The following GABRA3 variants were observed in gnomAD, a reference collection of about 807,000 sequenced individuals.
GABRA3 encodes the protein gamma-aminobutyric acid receptor subunit alpha-3.
A neutral mutation model predicts 30.1 loss-of-function variants in GABRA3; 10 were observed. The ratio of observed to expected loss-of-function variants is 0.33; its 90% CI spans 0.20 to 0.56. The LOEUF (loss-of-function observed/expected upper bound fraction) is 0.56. Among genes scored for constraint, GABRA3 ranks in the 20% least tolerant of loss-of-function variants. The pLI is 0.89. For synonymous variants in GABRA3, 151 were observed against 146.8 expected (o/e 1.03, Z -0.21); for missense variants, 233 against 392.0 (o/e 0.59, Z 3.42).
chrX:152,266,793 C>A lies in GABRA3; in HGVS notation c.331-10795G>T, dbSNP rs779842879. 3.6e-4 allele frequency among the ~76,000 whole-genome samples: 40 copies of A among 111,417 alleles called. No individual in the cohort carries two copies. In the South Asian group the frequency reaches 4.5e-3, roughly 13 times the overall value. ...TTTTATTTGTTTACACTGCACTAGC[C>A]AGCTTCCACTAGCCTGGAAGCTCCA... On this transcript the variant is annotated intron_variant, in intron 4 of 9. Transcript: ENST00000370314.
intron 1 of GABRA3, among the ~76,000 whole-genome samples, chrX:152,370,942 C>T (rs1928820839): frequency 9.0e-6 from 1 of 110,803 alleles, no homozygotes; most frequent in South Asian, 3.8e-4. Context: ...CATTTCCTTT[C>T]TTACCCTGCT....
chrX:152,346,477 A>G (rs146901463), intron 2 of GABRA3, among the ~76,000 whole-genome samples: 2 of 111,963 alleles, frequency 1.8e-5, no homozygotes, highest in East Asian at 5.7e-4. Context: ...AACCAAAGCA[A>G]AAATGGACAA....
chrX:152,369,948 G>A (rs1266064465), intron 1 of GABRA3, among the ~76,000 whole-genome samples: 1 of 111,687 alleles, frequency 9.0e-6, no homozygotes, highest in Admixed American at 9.5e-5. Context: ...GGTGTAGGAT[G>A]GGCTTTGGAA....
intron 3 of GABRA3, among the ~76,000 whole-genome samples, chrX:152,323,392 C>T (rs1180913791): frequency 9.0e-6 from 1 of 111,575 alleles, no homozygotes; most frequent in East Asian, 2.8e-4. Flanking sequence ...ATGTTCTATT[C>T]CTTGAACGGG....
At chrX:152,364,054 A>T (rs1928582816) in intron 2 of GABRA3, among the ~76,000 whole-genome samples, 1 of 111,347 alleles carries the variant, frequency 9.0e-6, no homozygotes, top group Non-Finnish European at 1.9e-5. Flanking sequence ...CAGTATCTGG[A>T]GGGAAGATTT....
chrX:152,192,890 A>G (rs2124349830), intron 8 of GABRA3, among the ~76,000 whole-genome samples: 1 of 111,592 alleles, frequency 9.0e-6, no homozygotes, highest in African/African-American at 3.3e-5. Flanking sequence ...GAGTCCACCT[A>G]TTTTCTCAAC....
chrX:152,371,443 A>C (rs2124500500), intron 1 of GABRA3, among the ~76,000 whole-genome samples: 1 of 111,059 alleles, frequency 9.0e-6, no homozygotes, highest in South Asian at 3.9e-4. Context: ...AAGCACCCCC[A>C]CATGTGTCCT....
chrX:152,335,928 C>G (rs961491539), intron 3 of GABRA3, among the ~76,000 whole-genome samples: 5 of 111,084 alleles, frequency 4.5e-5, no homozygotes, highest in Admixed American at 9.6e-5. Flanking sequence ...ACTATAATAC[C>G]CAGGTTGCTC....
At chrX:152,303,192 C>T (rs771481811) in intron 3 of GABRA3, among the ~76,000 whole-genome samples, 5 of 112,250 alleles carry the variant, frequency 4.5e-5, no homozygotes, top group Non-Finnish European at 7.5e-5. Flanking sequence ...GCATTCCCAC[C>T]AACAGTGTAT....
chrX:152,201,965 A>C (rs1289386002), intron 7 of GABRA3, among the ~76,000 whole-genome samples: 1 of 112,504 alleles, frequency 8.9e-6, no homozygotes, highest in East Asian at 2.8e-4. Context: ...AATTTCTAGG[A>C]AAGATGGATA....
At chrX:152,248,978 CAAT>C (rs1277244804) in intron 5 of GABRA3, among the ~76,000 whole-genome samples, 2 of 111,453 alleles carry the variant, frequency 1.8e-5, no homozygotes, top group East Asian at 5.6e-4. Flanking sequence ...TCTGTAAAAA[CAAT>C]AATGCTTCCC....
chrX:152,295,088 G>C (rs1053208908), intron 3 of GABRA3, among the ~76,000 whole-genome samples: 1 of 111,773 alleles, frequency 8.9e-6, no homozygotes, highest in Non-Finnish European at 1.9e-5. Flanking sequence ...AGGGTTACCC[G>C]CCTGTAATGA....
chrX:152,244,107 G>A (rs946188581), intron 5 of GABRA3, among the ~76,000 whole-genome samples: 2 of 112,035 alleles, frequency 1.8e-5, no homozygotes, highest in African/African-American at 6.5e-5. Context: ...TTATTATACA[G>A]TGCTTTGCAT....
intron 7 of GABRA3, among the ~76,000 whole-genome samples, chrX:152,198,001 C>T (rs189300021): frequency 5.8e-4 from 64 of 110,714 alleles, no homozygotes; most frequent in Middle Eastern, 4.7e-3. Flanking sequence ...ACAGCTTGCT[C>T]GGAACAATTT....
At chrX:152,204,402 A>G (rs1937516419) in intron 7 of GABRA3, among the ~76,000 whole-genome samples, 1 of 111,065 alleles carries the variant, frequency 9.0e-6, no homozygotes, top group African/African-American at 3.3e-5. Context: ...TTCTAGATGC[A>G]AAGTAGAAAG....
chrX:152,215,838 G>A (rs190524082), intron 6 of GABRA3, among the ~76,000 whole-genome samples: 43 of 111,014 alleles, frequency 3.9e-4, no homozygotes, highest in Non-Finnish European at 7.0e-4. Flanking sequence ...AAATATTTTC[G>A]AAGTATACAT....
rs140714958 is a variant in GABRA3 at position 152,219,808 on chromosome X, A to G, written c.634+4955T>C. Among the ~76,000 whole-genome samples, 892 of 109,532 alleles carry G rather than the reference A, an allele frequency of 8.1e-3. 15 individuals carry two copies. Among genetic ancestry groups the G allele is most frequent in the African/African-American group, 0.029 (846 of 29,617 alleles). On this transcript the variant is annotated intron_variant, in intron 6 of 9. Transcript: ENST00000370314. ...ATTTTATATGTATAGTATACTACAC[A>G]CACAGTATTCTAAATGCATAAAGCA...
rs181767995 is a variant in GABRA3 at position 152,285,999 on chromosome X, A to G, written c.263-1264T>C. 9.6e-4 allele frequency among the ~76,000 whole-genome samples: 102 copies of G among 106,080 alleles called. 1 individual carries two copies. In the East Asian group the frequency reaches 0.026, roughly 27 times the overall value. 92.1% of individuals were successfully genotyped at this position (106,080 alleles called of 115,157 possible). On this transcript the variant is annotated intron_variant, in intron 3 of 9. Coordinates refer to ENST00000370314, the MANE Select transcript of GABRA3 (RefSeq NM_000808.4). ...ATTTCAGCATACAGATTGTGGGGAG[A>G]CAAAAACATCCAGAACAGCAGCTAC...
At chrX:152,182,073 G>A (rs1163958137) in intron 9 of GABRA3, among the ~76,000 whole-genome samples, 1 of 109,745 alleles carries the variant, frequency 9.1e-6, no homozygotes, top group Non-Finnish European at 1.9e-5. Flanking sequence ...GTAATTAGTT[G>A]AGAGGTTTTT....
Sources: gnomAD v4.1 joint callset for allele counts (sites outside exome capture counted in the v4.1 genomes callset) on GRCh38, gnomAD v4.1.1 for gene constraint, MANE v1.5 for transcripts, NCBI Gene and HGNC (gene_info 2026-07-23, HGNC 2026-07-21) for gene names.